ZNF107: variants seen among roughly 807,000 people sequenced by gnomAD.
ZNF107 encodes the protein zinc finger protein 107, also known as C2H2 type zinc-finger protein.
ZNF107 carries 19 observed loss-of-function variants against 12.3 expected under a neutral mutation model. The observed-to-expected ratio is 1.55, with a 90% CI of 1.08 to 2.27. ZNF107 has a LOEUF of 2.27. ZNF107 is among the 30% of genes most tolerant of loss of function. The probability of loss-of-function intolerance (pLI) is 0.00; values close to 1 mark genes in which losing one functional copy is unlikely to be tolerated. For missense variants in ZNF107, 958 were observed against 979.9 expected (o/e 0.98, Z 0.30); for synonymous variants, 317 against 330.5 (o/e 0.96, Z 0.44).
intron 1 of ZNF107, chr7:64,689,216 G>A (rs1790034337): frequency 6.6e-6 from 1 of 152,146 alleles, no homozygotes; most frequent in African/African-American, 2.4e-5. Context: ...AAAATGCAGA[G>A]GCAGGCTGCT....
Position 64,706,754 on chromosome 7 carries a change from T to G in ZNF107, c.657T>G (p.His219Gln). Residue 219 changes from histidine (H) to glutamine (Q), a missense_variant, in exon 4 of 4, where the codon CAT becomes CAG. Coordinates refer to ENST00000620827, the MANE Select transcript of ZNF107 (RefSeq NM_001282359.2). ...AFNWFSTLTK[H>Q]KRIHTGEKPY... ...ACTGGTTCTCAACTCTTACTAAACA[T>G]AAGAGAATTCATACTGGAGAAAAGC... 6.2e-7 allele frequency: 1 copy of G among 1,613,118 alleles called. No homozygotes were observed. Among genetic ancestry groups the G allele is most frequent in the Non-Finnish European group, 8.5e-7 (1 of 1,179,688 alleles).
In ZNF107 at chr7:64,706,307, AT is replaced by A; in HGVS notation, c.227-12del. On this transcript the variant is annotated splice_polypyrimidine_tract_variant and intron_variant, in intron 3 of 3. Coordinates refer to ENST00000620827, the MANE Select transcript of ZNF107 (RefSeq NM_001282359.2). ...AGTCTAGCAAGTGGAGTAATTTATT[AT>A]TTTTATTTCTTTCAGTAATGTCTTT... The A allele has an allele frequency of 1.3e-6, 2 of 1,504,108 alleles. No individual in the cohort carries two copies. Among genetic ancestry groups the A allele is most frequent in the South Asian group, 2.9e-5 (2 of 70,126 alleles). The allele number at this position is 1,504,108 out of a possible 1,614,324, so 93.2% of individuals were successfully genotyped here.
chr7:64,707,108 G>C lies in ZNF107; in HGVS notation c.1011G>C (p.Gly337=), dbSNP rs778424099. 1 of 1,612,062 alleles carries C rather than the reference G, an allele frequency of 6.2e-7. No homozygotes were observed. Among genetic ancestry groups the C allele is most frequent in the Non-Finnish European group, 8.5e-7 (1 of 1,179,390 alleles). ...NLTNHKRIHA[G]EKPYKCKECG... ...CTAACCATAAGAGAATTCATGCTGG[G>C]GAGAAACCCTACAAATGTAAAGAAT... Residue 337 remains glycine, a synonymous_variant, in exon 4 of 4, where the codon GGG becomes GGC. Transcript: ENST00000620827.
chr7:64,689,299 G>T, intron 1 of ZNF107: 1 of 152,188 alleles, frequency 6.6e-6, no homozygotes. Context: ...TCTGGTTTGA[G>T]AAAGTACAGA....
chr7:64,704,181 T>A (rs1167752213), intron 3 of ZNF107, among the ~76,000 whole-genome samples: 2 of 152,198 alleles, frequency 1.3e-5, no homozygotes, highest in Non-Finnish European at 2.9e-5. Context: ...TAAAAATGCT[T>A]TATGCGCCAT....
Position 64,706,531 on chromosome 7 carries a change from T to C in ZNF107, c.434T>C (p.Phe145Ser), listed in dbSNP as rs200193770. ...TTGACAGCTACCCCAAGCAAAATAT[T>C]CCAGTGTAATAAATATGTGAAAGTC... ...QCLTATPSKI[F>S]QCNKYVKVFD... The change falls in exon 4 of 4, where the codon TTC (phenylalanine) becomes TCC (serine). Residue 145 changes from phenylalanine (F) to serine (S), a missense_variant. Coordinates refer to ENST00000620827, the MANE Select transcript of ZNF107 (RefSeq NM_001282359.2). 6.2e-7 allele frequency: 1 copy of C among 1,610,104 alleles called. No individual in the cohort carries two copies.
intron 1 of ZNF107, among the ~76,000 whole-genome samples, chr7:64,671,979 G>A (rs1381615865): frequency 1.3e-5 from 2 of 151,640 alleles, no homozygotes; most frequent in African/African-American, 4.8e-5. Context: ...GTAGAGATGG[G>A]GTTTCACCGT....
In ZNF107 at chr7:64,707,508, C is replaced by T; in HGVS notation, c.1411C>T (p.His471Tyr). ...TAACCAACACTCAAACCTAATTAAC[C>T]ATAGGAAAATTTATTCTGGAGAGAA... The part of the protein sequence containing the change: ...AFNQHSNLIN[H>Y]RKIYSGEKPY... Residue 471 changes from histidine (H) to tyrosine (Y), a missense_variant, in exon 4 of 4, where the codon CAT (histidine) becomes TAT (tyrosine). By Grantham distance (83) the His-to-Tyr change is moderately conservative. Coordinates refer to ENST00000620827, the MANE Select transcript of ZNF107 (RefSeq NM_001282359.2). 2 of 1,613,286 alleles carry T rather than the reference C, an allele frequency of 1.2e-6. No individual in the cohort carries two copies. The highest frequency in any genetic ancestry group is 1.7e-5 in the Admixed American group (1 of 59,958).
chr7:64,694,129 T>C (rs1206939730), intron 3 of ZNF107, among the ~76,000 whole-genome samples: 2 of 152,210 alleles, frequency 1.3e-5, no homozygotes, highest in Non-Finnish European at 2.9e-5. Flanking sequence ...CCATGAACTG[T>C]GGATCAGGGA....
At position 64,708,080 on chromosome 7, in the gene ZNF107, C is replaced by G; in HGVS notation, c.1983C>G (p.Phe661Leu). 2 of 1,613,380 alleles carry G rather than the reference C, an allele frequency of 1.2e-6. No homozygotes were observed. Among genetic ancestry groups the G allele is most frequent in the Non-Finnish European group, 1.7e-6 (2 of 1,179,624 alleles). ...FEEHGKAFNL[F>L]SNITNHKIIY... Reference sequence around the variant, plus strand: ...AACATGGAAAAGCTTTTAACCTATTCTCAAACATTACTAACCATAAGATAA... The same window carrying G: ...AACATGGAAAAGCTTTTAACCTATTGTCAAACATTACTAACCATAAGATAA... Residue 661 changes from phenylalanine (F) to leucine (L), a missense_variant, in exon 4 of 4, where the codon TTC (phenylalanine) becomes TTG (leucine). Physicochemically the swap from Phe to Leu is conservative, Grantham distance 22. Coordinates refer to ENST00000620827, the MANE Select transcript of ZNF107 (RefSeq NM_001282359.2).
intron 1 of ZNF107, among the ~76,000 whole-genome samples, chr7:64,674,513 G>T (rs890262525): frequency 6.6e-6 from 1 of 152,162 alleles, no homozygotes; most frequent in African/African-American, 2.4e-5. Flanking sequence ...TTTCTGTGAG[G>T]ACTATAGGCT....
rs753033071 is a variant in ZNF107 at position 64,708,160 on chromosome 7, G to A, written c.2063G>A (p.Arg688Gln). The part of the protein sequence containing the change: ...KCEECGKAYN[R>Q]FSNLTIHKRI... Reference sequence around the variant, plus strand: ...GAAGAATGTGGAAAAGCTTATAACCGATTCTCAAACCTAACTATACATAAG... The same window carrying A: ...GAAGAATGTGGAAAAGCTTATAACCAATTCTCAAACCTAACTATACATAAG... Residue 688 changes from arginine to glutamine, a missense_variant, in exon 4 of 4, where the codon CGA (arginine) becomes CAA (glutamine). Arg to Gln is a conservative substitution (Grantham distance 43). Transcript: ENST00000620827. 9.9e-6 allele frequency: 16 copies of A among 1,609,966 alleles called. No homozygotes were observed. Among genetic ancestry groups the A allele is most frequent in the East Asian group, 4.5e-5 (2 of 44,714 alleles).
intron 1 of ZNF107, among the ~76,000 whole-genome samples, chr7:64,668,519 G>C (rs1289443543): frequency 6.6e-6 from 1 of 151,436 alleles, no homozygotes; most frequent in Non-Finnish European, 1.5e-5. Flanking sequence ...CCACTCCCTG[G>C]GTTTGTCACC....
chr7:64,693,468 G>A (rs992224095), intron 3 of ZNF107, among the ~76,000 whole-genome samples: 2 of 151,962 alleles, frequency 1.3e-5, no homozygotes, highest in Non-Finnish European at 2.9e-5. Flanking sequence ...AATTTTAGGA[G>A]GTAAAGATCT....
rs1271498505 is a variant in ZNF107, at chr7:64,708,515, A to G, written c.2418A>G (p.Ile806Met). Reference protein sequence around the residue: ...KSFNQFSSLNIHKIIHTGEKP... With the variant: ...KSFNQFSSLNMHKIIHTGEKP... ...TTAACCAGTTCTCATCTCTTAATAT[A>G]CATAAGATAATTCATACTGGAGAGA... is the stretch of plus-strand genomic sequence containing the variant. The change falls in exon 4 of 4, where the codon ATA becomes ATG. Residue 806 changes from isoleucine to methionine, a missense_variant. By Grantham distance (10) the Ile-to-Met change is conservative. Coordinates refer to ENST00000620827, the MANE Select transcript of ZNF107 (RefSeq NM_001282359.2). The G allele has an allele frequency of 6.2e-7, 1 of 1,613,166 alleles. No individual in the cohort carries two copies. Among genetic ancestry groups the G allele is most frequent in the East Asian group, 2.2e-5 (1 of 44,812 alleles).
At chr7:64,689,645 T>G (rs192868058) in intron 1 of ZNF107, 1 of 153,382 alleles carries the variant, frequency 6.5e-6, no homozygotes, top group African/African-American at 2.4e-5. Context: ...CTGTGGCAGT[T>G]CCACTTTCTA....
chr7:64,680,473 A>C (rs1346220555), intron 1 of ZNF107, among the ~76,000 whole-genome samples: 1 of 152,134 alleles, frequency 6.6e-6, no homozygotes. Flanking sequence ...GAGGACCCCC[A>C]GTGGAACTAT....
At chr7:64,704,931 G>T (rs1354788487) in intron 3 of ZNF107, among the ~76,000 whole-genome samples, 1 of 152,036 alleles carries the variant, frequency 6.6e-6, no homozygotes, top group Non-Finnish European at 1.5e-5. Flanking sequence ...CACTTGCCTT[G>T]GTCTCCCAAT....
intron 1 of ZNF107, among the ~76,000 whole-genome samples, chr7:64,684,932 G>A (rs538146974): frequency 4.0e-4 from 61 of 152,194 alleles, no homozygotes; most frequent in African/African-American, 1.4e-3. Flanking sequence ...GGCAAAGGAC[G>A]CTGGCTTTGC....
Sources: allele counts gnomAD v4.1 joint callset (sites outside exome capture counted in the v4.1 genomes callset), GRCh38; gene constraint gnomAD v4.1.1; transcripts MANE v1.5; gene names NCBI Gene and HGNC (gene_info 2026-07-23, HGNC 2026-07-21).